Variants in TENM1 observed in about 807,000 individuals in gnomAD.
The protein encoded by TENM1 is teneurin transmembrane protein 1, also known as teneurin-1.
Under a neutral mutation model 174.8 loss-of-function variants are expected in TENM1, and 35 were observed. The ratio of observed to expected loss-of-function variants is 0.20; its 90% confidence interval spans 0.15 to 0.27. TENM1 has a LOEUF of 0.27. TENM1 is among the 10% of genes least tolerant of loss of function. The probability of loss-of-function intolerance (pLI) is 1.00; values close to 1 mark genes in which losing one functional copy is unlikely to be tolerated. For missense variants in TENM1, 1,633 were observed against 2,130.1 expected (o/e 0.77, Z 4.59); for synonymous variants, 781 against 798.7 (o/e 0.98, Z 0.37).
the TENM1 span, among the ~76,000 whole-genome samples, chrX:125,019,349 TTAAA>T: frequency 1.8e-5 from 2 of 111,380 alleles, no homozygotes; most frequent in African/African-American, 3.2e-5. Flanking sequence ...ATAAATTTAA[TTAAA>T]TATTTAAAAT....
At chrX:124,796,097 A>T (rs780328950) in intron 3 of TENM1, among the ~76,000 whole-genome samples, 123 of 111,597 alleles carry the variant, frequency 1.1e-3, no homozygotes, top group Non-Finnish European at 1.7e-3. Context: ...ATGCCATCAC[A>T]TTCAAAGAGG....
chrX:124,962,688 C>T (rs2058672395), intron 1 of TENM1, among the ~76,000 whole-genome samples: 1 of 110,277 alleles, frequency 9.1e-6, no homozygotes, highest in Admixed American at 9.7e-5. Flanking sequence ...TGTGGTGAGG[C>T]GCACCTGTAA....
intron 23 of TENM1, among the ~76,000 whole-genome samples, chrX:124,429,933 A>T (rs2060759215): frequency 8.9e-6 from 1 of 112,150 alleles, no homozygotes; most frequent in Non-Finnish European, 1.9e-5. Context: ...GCATTAAGTC[A>T]TGGAGAGTGG....
intron 3 of TENM1, among the ~76,000 whole-genome samples, chrX:124,753,416 C>A (rs1283380843): frequency 2.1e-5 from 2 of 95,118 alleles, no homozygotes; most frequent in Non-Finnish European, 4.3e-5. Context: ...TCTAGATATA[C>A]AATCATGTCA....
At chrX:124,817,497 G>C (rs977008591) in intron 3 of TENM1, among the ~76,000 whole-genome samples, 3 of 111,957 alleles carry the variant, frequency 2.7e-5, no homozygotes, top group Non-Finnish European at 5.6e-5. Flanking sequence ...TCTCACAGTA[G>C]TGGCAGCAGC....
chrX:125,181,933 C>T, the TENM1 span, among the ~76,000 whole-genome samples: 7 of 112,044 alleles, frequency 6.2e-5, 1 homozygote, highest in Middle Eastern at 0.014. Flanking sequence ...TTACATTTTC[C>T]GTACTGAGTA....
chrX:125,002,523 CAA>C, the TENM1 span, among the ~76,000 whole-genome samples: 3 of 110,759 alleles, frequency 2.7e-5, no homozygotes, highest in Non-Finnish European at 3.8e-5. Flanking sequence ...AGCCAAAACT[CAA>C]AAGTGTCTTG....
chrX:125,161,304 G>A, the TENM1 span, among the ~76,000 whole-genome samples: 4 of 111,475 alleles, frequency 3.6e-5, no homozygotes, highest in East Asian at 2.8e-4. Context: ...CTAATATAAT[G>A]TAAACGTTAT....
chrX:124,796,138 A>C (rs751888995), intron 3 of TENM1, among the ~76,000 whole-genome samples: 5 of 111,640 alleles, frequency 4.5e-5, no homozygotes, highest in Non-Finnish European at 9.4e-5. Context: ...AATATTAAGA[A>C]AATTCAAAAA....
At chrX:124,623,356 G>A (rs777190685) in intron 11 of TENM1, among the ~76,000 whole-genome samples, 17 of 111,757 alleles carry the variant, frequency 1.5e-4, no homozygotes, top group African/African-American at 4.5e-4. Context: ...GTGCATGAGT[G>A]TGTTTGGGTG....
chrX:124,889,650 A>G (rs959876628), intron 3 of TENM1, among the ~76,000 whole-genome samples: 1 of 110,837 alleles, frequency 9.0e-6, no homozygotes. Flanking sequence ...GGTACCTAGT[A>G]GGTATATATA....
chrX:125,120,990 G>A, the TENM1 span, among the ~76,000 whole-genome samples: 2 of 111,222 alleles, frequency 1.8e-5, no homozygotes, highest in African/African-American at 6.5e-5. Flanking sequence ...TTTCCAACAT[G>A]TTATCATTAA....
the TENM1 span, among the ~76,000 whole-genome samples, chrX:125,165,691 G>A: frequency 0.063 from 7,001 of 111,242 alleles, 233 homozygotes; most frequent in Middle Eastern, 0.11. Context: ...CTTCAGTGGA[G>A]AACTCAGGTG....
Position 124,715,163 on chromosome X carries a change from C to A in TENM1, c.777-9912G>T, listed in dbSNP as rs2053149056. On this transcript the variant is annotated intron_variant, in intron 4 of 31. Transcript: ENST00000422452. Reference sequence around the variant, plus strand: ...GAGATAATGGTGTGGAAGCTATAATCCTTTCAAACTACAAAATAATGTGGA... The same window carrying A: ...GAGATAATGGTGTGGAAGCTATAATACTTTCAAACTACAAAATAATGTGGA... 2.7e-5 allele frequency among the ~76,000 whole-genome samples: 3 copies of A among 111,594 alleles called. No individual in the cohort carries two copies. In the Admixed American group the frequency reaches 2.8e-4, roughly 11 times the overall value.
At chrX:124,555,511 CTTG>C (rs1245515218) in intron 14 of TENM1, among the ~76,000 whole-genome samples, 1 of 111,845 alleles carries the variant, frequency 8.9e-6, no homozygotes. Flanking sequence ...GTCATACTAA[CTTG>C]TTGTAACACA....
the TENM1 span, among the ~76,000 whole-genome samples, chrX:125,154,167 T>C: frequency 8.9e-6 from 1 of 112,053 alleles, no homozygotes; most frequent in African/African-American, 3.2e-5. Context: ...TAGGACAAAG[T>C]AATTATCAAA....
At chrX:124,810,547 A>G (rs760608788) in intron 3 of TENM1, among the ~76,000 whole-genome samples, 1 of 112,098 alleles carries the variant, frequency 8.9e-6, no homozygotes, top group East Asian at 2.8e-4. Context: ...AAAGAAATGG[A>G]AGACACAAAC....
rs2053382489 is a variant in TENM1 at position 124,723,819 on chromosome X, T to G, written c.776+13138A>C. Reference sequence around the variant, plus strand: ...TTTCACCATATTGGCCAGGATGGTCTTGATCTCTTGACCTTGTGATCCGCC... The same window carrying G: ...TTTCACCATATTGGCCAGGATGGTCGTGATCTCTTGACCTTGTGATCCGCC... On this transcript the variant is annotated intron_variant, in intron 4 of 31. Coordinates refer to ENST00000422452, the Ensembl canonical transcript of TENM1. 2.7e-5 allele frequency among the ~76,000 whole-genome samples: 3 copies of G among 110,562 alleles called. No individual in the cohort carries two copies. In the South Asian group the frequency reaches 1.2e-3, roughly 43 times the overall value.
rs191508404 is a variant in TENM1, at chrX:124,386,071, C to G, written c.5689-7G>C. ...GTAGGAGAAGCATCACAGACTGAAA[C>G]GAGACAAAGGCAGAATAGCATATTA... On this transcript the variant is annotated splice_region_variant and splice_polypyrimidine_tract_variant and intron_variant, in intron 28 of 31. Transcript: ENST00000422452. 8.5e-7 allele frequency: 1 copy of G among 1,181,706 alleles called. No individual in the cohort carries two copies.
Sources: allele counts gnomAD v4.1 joint callset (sites outside exome capture counted in the v4.1 genomes callset), GRCh38; gene constraint gnomAD v4.1.1; transcripts MANE v1.5; gene names NCBI Gene and HGNC (gene_info 2026-07-23, HGNC 2026-07-21).